Variants in ZFYVE28 observed in about 807,000 individuals in gnomAD.
The protein encoded by ZFYVE28 is lateral signaling target protein 2 homolog.
A neutral mutation model predicts 82.1 loss-of-function variants in ZFYVE28; 40 were observed. The observed-to-expected ratio is 0.49, with a 90% CI of 0.38 to 0.63. ZFYVE28 has a LOEUF of 0.63. Ranked by LOEUF, ZFYVE28 falls within the 30% of genes least tolerant of loss-of-function variation. The pLI is 0.00. For synonymous variants in ZFYVE28, 612 were observed against 546.1 expected (o/e 1.12, Z -1.68); for missense variants, 1,321 against 1,242.1 (o/e 1.06, Z -0.96).
chr4:2,337,685 AC>A (rs1012122468), intron 4 of ZFYVE28, among the ~76,000 whole-genome samples, 189 bp from the exon 5 acceptor site: 16 of 152,084 alleles, frequency 1.1e-4, no homozygotes, highest in African/African-American at 2.9e-4. Context: ...AGTTCGAGGC[AC>A]CACAGCAAGA....
chr4:2,273,699 C>T (rs914081813), intron 9 of ZFYVE28, among the ~76,000 whole-genome samples: 1 of 152,166 alleles, frequency 6.6e-6, no homozygotes, highest in Non-Finnish European at 1.5e-5. Context: ...TGTCTACCTG[C>T]AAAGCATGTC....
At chr4:2,317,745 G>A (rs958865682) in intron 7 of ZFYVE28, among the ~76,000 whole-genome samples, 15 of 152,034 alleles carry the variant, frequency 9.9e-5, no homozygotes, top group African/African-American at 3.6e-4. Flanking sequence ...TGATTCTCCT[G>A]ATTCAGCCTC....
chr4:2,311,521 G>A (rs1018162920), intron 7 of ZFYVE28, among the ~76,000 whole-genome samples: 23 of 152,180 alleles, frequency 1.5e-4, no homozygotes, highest in Admixed American at 2.6e-4. Flanking sequence ...GCTAGACTCT[G>A]CCTCAAACAA....
In ZFYVE28 at chr4:2,394,169, A is replaced by C. The variant is rs1458376250; in HGVS notation, c.39+24116T>G. On this transcript the variant is annotated intron_variant, in intron 1 of 12. Coordinates refer to ENST00000290974, the MANE Select transcript of ZFYVE28 (RefSeq NM_020972.3). This position sits in a 1 kb window ranked among gnomAD's most constrained non-coding sequence, Gnocchi z 4.0. ...CACTACTGAGGACTCCTGTGGTTCCACTGGGGCCACCGACATAATCCAGGA... is the reference window on the plus strand; with the variant it reads ...CACTACTGAGGACTCCTGTGGTTCCCCTGGGGCCACCGACATAATCCAGGA... 1.3e-5 allele frequency among the ~76,000 whole-genome samples: 2 copies of C among 152,152 alleles called. No individual in the cohort carries two copies. Among genetic ancestry groups the C allele is most frequent in the African/African-American group, 4.8e-5 (2 of 41,436 alleles).
At chr4:2,292,745 T>C (rs1713925624) in intron 8 of ZFYVE28, among the ~76,000 whole-genome samples, 1 of 151,888 alleles carries the variant, frequency 6.6e-6, no homozygotes, top group Non-Finnish European at 1.5e-5. Flanking sequence ...GCAGAAATAA[T>C]GCCCGTTCTA....
intron 1 of ZFYVE28, among the ~76,000 whole-genome samples, chr4:2,381,529 C>G (rs1173067736): frequency 6.6e-6 from 1 of 152,118 alleles, no homozygotes; most frequent in Admixed American, 6.5e-5. Flanking sequence ...GACTCAGCCT[C>G]CTGAGTAGCT....
At chr4:2,309,419 T>G (rs1717172720) in intron 7 of ZFYVE28, among the ~76,000 whole-genome samples, 1 of 152,230 alleles carries the variant, frequency 6.6e-6, no homozygotes, top group African/African-American at 2.4e-5. Flanking sequence ...AGACAGTATT[T>G]TGATTTCATT....
chr4:2,296,725 C>T (rs1364229919), intron 8 of ZFYVE28, among the ~76,000 whole-genome samples: 1 of 152,084 alleles, frequency 6.6e-6, no homozygotes, highest in Non-Finnish European at 1.5e-5. Flanking sequence ...GGGAGGCCCG[C>T]GGGGCGGCAC....
At chr4:2,278,975 G>T (rs1204922744) in intron 8 of ZFYVE28, among the ~76,000 whole-genome samples, 1 of 151,560 alleles carries the variant, frequency 6.6e-6, no homozygotes, top group African/African-American at 2.4e-5. Context: ...TGAAGTTGTG[G>T]TGAGGAAGGT....
chr4:2,327,392 C>T (rs1296735653), intron 6 of ZFYVE28, among the ~76,000 whole-genome samples: 2 of 149,392 alleles, frequency 1.3e-5, no homozygotes, highest in East Asian at 2.0e-4. Flanking sequence ...TGCCTAATTG[C>T]TTTGGCAAGG....
intron 1 of ZFYVE28, among the ~76,000 whole-genome samples, chr4:2,369,211 G>T (rs533446311): frequency 6.6e-6 from 1 of 152,166 alleles, no homozygotes; most frequent in Admixed American, 6.5e-5. Flanking sequence ...GTGGAACGCC[G>T]CACTCTGTGG....
chr4:2,388,772 A>G (rs983794231), intron 1 of ZFYVE28, among the ~76,000 whole-genome samples: 1 of 152,190 alleles, frequency 6.6e-6, no homozygotes, highest in African/African-American at 2.4e-5. Flanking sequence ...AGAAAGCTGC[A>G]CAAGACTGAG....
chr4:2,403,643 C>T (rs544002412), intron 1 of ZFYVE28, among the ~76,000 whole-genome samples: 6 of 152,148 alleles, frequency 3.9e-5, no homozygotes, highest in Admixed American at 3.3e-4. Flanking sequence ...TCACCGACCC[C>T]GCCTCCGATG....
At chr4:2,303,542 C>T (rs765641151) in intron 8 of ZFYVE28, among the ~76,000 whole-genome samples, 5 of 152,168 alleles carry the variant, frequency 3.3e-5, no homozygotes, top group Non-Finnish European at 5.9e-5. Context: ...AGGGCAGGGT[C>T]CTGGCCAGGG....
intron 8 of ZFYVE28, among the ~76,000 whole-genome samples, chr4:2,294,396 C>T (rs1015768477): frequency 2.6e-5 from 4 of 152,118 alleles, no homozygotes; most frequent in African/African-American, 9.7e-5. Flanking sequence ...TTTCCTTATG[C>T]AAAACAAAAA....
intron 1 of ZFYVE28, among the ~76,000 whole-genome samples, chr4:2,401,440 C>T (rs925393163): frequency 1.3e-5 from 2 of 152,118 alleles, no homozygotes; most frequent in African/African-American, 4.8e-5. Context: ...GCCCAGGGCC[C>T]GGGTCGCAGG....
chr4:2,340,288 C>T (rs1210844700), intron 3 of ZFYVE28, among the ~76,000 whole-genome samples: 1 of 152,214 alleles, frequency 6.6e-6, no homozygotes, highest in Non-Finnish European at 1.5e-5. Context: ...CACAAATCCA[C>T]CCATGTCTGC....
At chr4:2,378,536 C>T (rs1169925277) in intron 1 of ZFYVE28, among the ~76,000 whole-genome samples, 3 of 152,160 alleles carry the variant, frequency 2.0e-5, no homozygotes, top group Non-Finnish European at 4.4e-5. Context: ...CTTTCCTCTC[C>T]ACTCTCTCCC....
chr4:2,320,328 G>A lies in ZFYVE28; in HGVS notation c.702-57C>T, dbSNP rs561877786. The A allele has an allele frequency of 1.6e-5, 25 of 1,532,754 alleles. No individual in the cohort carries two copies. The highest frequency in any genetic ancestry group is 1.1e-4 in the South Asian group (9 of 85,534). The allele number at this position is 1,532,754 out of a possible 1,614,324, so 94.9% of individuals were successfully genotyped here. A position where few individuals can be genotyped will look rare whatever the true frequency, so the allele number is the denominator to read the frequency against. ...GGCCCTGTGGCCCCCTGGGTGCCGC[G>A]GACGGCCCAACTTAACCACCTGCGA... On this transcript the variant is annotated intron_variant, in intron 6 of 12. Coordinates refer to ENST00000290974, the MANE Select transcript of ZFYVE28 (RefSeq NM_020972.3). The surrounding 1 kb of genome is among the most constrained non-coding windows in gnomAD (Gnocchi z 5.1).
Sources: allele counts gnomAD v4.1 joint callset (sites outside exome capture counted in the v4.1 genomes callset), GRCh38; gene constraint gnomAD v4.1.1; non-coding constraint Gnocchi (gnomAD v3.1); transcripts MANE v1.5; gene names NCBI Gene and HGNC (gene_info 2026-07-23, HGNC 2026-07-21).